CUL9: variants seen among roughly 807,000 people sequenced by gnomAD.
CUL9 encodes cullin-9.
In CUL9, 79 loss-of-function variants were observed where a neutral mutation model predicts 272.6. That is an observed-to-expected ratio of 0.29 (90% CI 0.24 to 0.35). CUL9 has a LOEUF of 0.35. Ranked by LOEUF, CUL9 falls within the 10% of genes least tolerant of loss-of-function variation. The pLI is 1.00. For synonymous variants in CUL9, 1,186 were observed against 1,286.5 expected, an observed-to-expected ratio of 0.92 and a Z score of 1.67; for missense variants, 2,532 against 3,255.6, an observed-to-expected ratio of 0.78 and a Z score of 5.41.
chr6:43,183,095 TA>T (rs1772565818), intron 1 of CUL9, among the ~76,000 whole-genome samples: 1 of 152,224 alleles, frequency 6.6e-6, no homozygotes, highest in South Asian at 2.1e-4. Flanking sequence ...AGAGGTTAAG[TA>T]ACTTGTTCCA....
Position 43,224,417 on chromosome 6 carries a change from A to G in CUL9, c.7526A>G (p.Glu2509Gly), listed in dbSNP as rs775101133. ...GAGACTTTCTTCTTTGGTGATGAGG[A>G]AGAGGATGAAGATGAGGCCTATGAC... ...DQETFFFGDE[E>G]EDEDEAYD is the part of the protein sequence containing the mutation. The change falls in exon 41 of 41, where the codon GAA becomes GGA. Residue 2509 changes from glutamate to glycine, a missense_variant. By Grantham distance (98) the Glu-to-Gly change is moderately conservative. Around this residue, in one of 3 missense-constraint regions of CUL9, gnomAD observed 237 missense variants for 305.9 expected, o/e 0.77. Coordinates refer to ENST00000252050, the MANE Select transcript of CUL9 (RefSeq NM_015089.4). The surrounding 1 kb of genome is among the most constrained non-coding windows in gnomAD (Gnocchi z 4.2). The G allele has an allele frequency of 6.2e-6, 10 of 1,613,848 alleles. No individual in the cohort carries two copies. The highest frequency in any genetic ancestry group is 1.7e-4 in the Middle Eastern group (1 of 5,964).
chr6:43,221,877 G>A lies in CUL9; in HGVS notation c.6846+99G>A. On this transcript the variant is annotated intron_variant, in intron 35 of 40. Transcript: ENST00000252050. This position sits in a 1 kb window ranked among gnomAD's most constrained non-coding sequence, Gnocchi z 4.2. ...CAGACAGGGCTCCTTGTGCAGTGCA[G>A]CATTCTAGCTGTTGGGATAGAGGCT... 2.0e-6 allele frequency: 2 copies of A among 1,014,910 alleles called. No individual in the cohort carries two copies. The highest frequency in any genetic ancestry group is 1.5e-6 in the Non-Finnish European group (1 of 685,522). The allele number at this position is 1,014,910 out of a possible 1,614,324, so 62.9% of individuals were successfully genotyped here. A position where few individuals can be genotyped will look rare whatever the true frequency, so the allele number is the denominator to read the frequency against.
Position 43,203,221 on chromosome 6 carries a change from A to G in CUL9, c.3849+17A>G, listed in dbSNP as rs755041254. ...TGCCAGCAGGTGGTGTTAGGGTGTC[A>G]GCCAGGGCTGAGGAGGAGGAGGTGG... On this transcript the variant is annotated intron_variant, in intron 18 of 40. Transcript: ENST00000252050. This position sits in a 1 kb window ranked among gnomAD's most constrained non-coding sequence, Gnocchi z 5.0. The G allele has an allele frequency of 5.6e-6, 9 of 1,613,934 alleles. No homozygotes were observed. In the African/African-American group the frequency reaches 1.1e-4, roughly 19 times the overall value.
Position 43,221,433 on chromosome 6 carries a change from C to T in CUL9, c.6752+112C>T. 1 of 1,289,718 alleles carries T rather than the reference C, an allele frequency of 7.8e-7. No individual in the cohort carries two copies. Among genetic ancestry groups the T allele is most frequent in the South Asian group, 1.4e-5 (1 of 69,474 alleles). 79.9% of individuals were successfully genotyped at this position (1,289,718 alleles called of 1,614,324 possible). ...AGCTCAGCAAAAGAGGGTGGTTCCT[C>T]AGCCGCCCCTCACGTGGCAGCCTCC... On this transcript the variant is annotated intron_variant, in intron 34 of 40. Coordinates refer to ENST00000252050, the MANE Select transcript of CUL9 (RefSeq NM_015089.4). This position sits in a 1 kb window ranked among gnomAD's most constrained non-coding sequence, Gnocchi z 4.2.
chr6:43,194,438 C>T (rs1344263736), intron 9 of CUL9, among the ~76,000 whole-genome samples: 2 of 151,858 alleles, frequency 1.3e-5, no homozygotes, highest in Non-Finnish European at 2.9e-5. Flanking sequence ...CCCGCCTCAG[C>T]CTCCCGAGTA....
At position 43,204,445 on chromosome 6, in the gene CUL9, A is replaced by G; in HGVS notation, c.4245A>G (p.Ala1415=). The change falls in exon 21 of 41, where the codon GCA becomes GCG. Residue 1415 remains alanine, a synonymous_variant. Transcript: ENST00000252050. Reference sequence around the variant, plus strand: ...CCTCTCGGAACCCCTTGAGTCGAGCAGCGTCCTTTGCTTCTCGAGTTCGTC... The same window carrying G: ...CCTCTCGGAACCCCTTGAGTCGAGCGGCGTCCTTTGCTTCTCGAGTTCGTC... ...RETSRNPLSR[A]ASFASRVRRL... is the part of the protein sequence containing the mutation. 6.2e-7 allele frequency: 1 copy of G among 1,614,140 alleles called. No homozygotes were observed. The highest frequency in any genetic ancestry group is 8.5e-7 in the Non-Finnish European group (1 of 1,180,014).
rs775645986 is a variant in CUL9 at position 43,198,755 on chromosome 6, C to A, written c.2950C>A (p.Leu984Ile). 5.2e-5 allele frequency: 84 copies of A among 1,613,988 alleles called. 2 individuals carry two copies. The South Asian group carries it at 8.7e-4, about 17-fold the overall frequency. Residue 984 changes from leucine to isoleucine, a missense_variant, in exon 12 of 41, where the codon CTC (leucine) becomes ATC (isoleucine). Coordinates refer to ENST00000252050, the MANE Select transcript of CUL9 (RefSeq NM_015089.4). ...EGSPGGAVRPLLKRLQQETQP... is the reference protein window; with the variant it reads ...EGSPGGAVRPILKRLQQETQP... ...CAGCCCCGGAGGTGCCGTGAGGCCC[C>A]TCCTCAAGCGCCTCCAGCAGGAGAC...
At chr6:43,188,156 C>T (rs745976436) in intron 7 of CUL9, 38 bp downstream of exon 7, 5 of 1,608,820 alleles carry the variant, frequency 3.1e-6, no homozygotes, top group Non-Finnish European at 3.4e-6. Context: ...TGGAACAAGT[C>T]CTGGGTAGTC....
At chr6:43,183,017 A>T (rs975257590) in intron 1 of CUL9, among the ~76,000 whole-genome samples, 1 of 152,216 alleles carries the variant, frequency 6.6e-6, no homozygotes, top group Non-Finnish European at 1.5e-5. Context: ...CTTTACATAC[A>T]TGATCCTACT....
At chr6:43,219,951 C>T (rs1029511280) in intron 31 of CUL9, among the ~76,000 whole-genome samples, 3 of 151,926 alleles carry the variant, frequency 2.0e-5, no homozygotes, top group Non-Finnish European at 4.4e-5. Flanking sequence ...GTTTGGGGGA[C>T]GCAATGGGCA....
At position 43,206,135 on chromosome 6, in the gene CUL9, A is replaced by C; in HGVS notation, c.4922A>C (p.Glu1641Ala). 2 of 1,614,168 alleles carry C rather than the reference A, an allele frequency of 1.2e-6. No homozygotes were observed. The highest frequency in any genetic ancestry group is 1.1e-5 in the South Asian group (1 of 91,088). Residue 1641 changes from glutamate (E) to alanine (A), a missense_variant, in exon 25 of 41, where the codon GAG becomes GCG. Transcript: ENST00000252050. This position sits in a 1 kb window ranked among gnomAD's most constrained non-coding sequence, Gnocchi z 4.8. The stretch of plus-strand genomic sequence containing the variant: ...ATGCTGCAGAGCCTGAGCACCTCTG[A>C]GGAGCTGCAGCGCCAGTTCCACCTC... ...QLMLQSLSTS[E>A]ELQRQFHLFQ...
chr6:43,206,600 A>AC lies in CUL9; in HGVS notation c.5212+90_5212+91insC. On this transcript the variant is annotated intron_variant, in intron 26 of 40. Coordinates refer to ENST00000252050, the MANE Select transcript of CUL9 (RefSeq NM_015089.4). The surrounding 1 kb of genome is among the most constrained non-coding windows in gnomAD (Gnocchi z 4.8). ...GAGAGGACCTTTGGACAGGATATAGATGTGAAGAAAAATATCAGCTCCTAG... is the reference window on the plus strand; with the variant it reads ...GAGAGGACCTTTGGACAGGATATAGACTGTGAAGAAAAATATCAGCTCCTAG... The AC allele has an allele frequency of 2.5e-6, 3 of 1,206,924 alleles. No homozygotes were observed. Among genetic ancestry groups the AC allele is most frequent in the East Asian group, 2.4e-5 (1 of 42,454 alleles). 74.8% of individuals were successfully genotyped at this position (1,206,924 alleles called of 1,614,324 possible). A position where few individuals can be genotyped will look rare whatever the true frequency, so the allele number is the denominator to read the frequency against.
chr6:43,211,716 A>G (rs1387631698), intron 26 of CUL9, among the ~76,000 whole-genome samples: 4 of 152,150 alleles, frequency 2.6e-5, no homozygotes, highest in Admixed American at 6.5e-5. Flanking sequence ...AAACTCCAAC[A>G]TATATCAGCT....
At chr6:43,198,889 C>T (rs377556133) in intron 12 of CUL9, 34 bp downstream of exon 12, 32 of 1,595,684 alleles carry the variant, frequency 2.0e-5, no homozygotes, top group Admixed American at 1.7e-4. Context: ...TGCATTGGGA[C>T]GAGGGAAACT....
chr6:43,196,760 T>G lies in CUL9; in HGVS notation c.2701T>G (p.Ser901Ala). 6.2e-7 allele frequency: 1 copy of G among 1,614,166 alleles called. No homozygotes were observed. The highest frequency in any genetic ancestry group is 8.5e-7 in the Non-Finnish European group (1 of 1,180,026). ...GCTGAGAGACACGTTGTTTAGGCAC[T>G]CAGGGATAGCACCAAGAACAGAACC... ...QELRDTLFRH[S>A]GIAPRTEPMP... The change falls in exon 11 of 41, where the codon TCA becomes GCA. Residue 901 changes from serine (S) to alanine (A), a missense_variant. Physicochemically the swap from Ser to Ala is moderately conservative, Grantham distance 99. This residue lies in a region of CUL9 where 2,218 missense variants were observed against 2,788.6 expected (regional missense o/e 0.80). Coordinates refer to ENST00000252050, the MANE Select transcript of CUL9 (RefSeq NM_015089.4).
Position 43,223,458 on chromosome 6 carries a change from C to T in CUL9, c.7284+61C>T, listed in dbSNP as rs1432861436. 46 of 1,521,034 alleles carry T rather than the reference C, an allele frequency of 3.0e-5. No individual in the cohort carries two copies. Among genetic ancestry groups the T allele is most frequent in the Admixed American group, 8.0e-5 (4 of 49,730 alleles). The allele number at this position is 1,521,034 out of a possible 1,614,324, so 94.2% of individuals were successfully genotyped here. A position where few individuals can be genotyped will look rare whatever the true frequency, so the allele number is the denominator to read the frequency against. ...TCTGCGGGAGTTGAGGTCCTCCTGT[C>T]CCAGCACAGCCCCTGCCCTGGGGCG... is the stretch of plus-strand genomic sequence containing the variant. On this transcript the variant is annotated intron_variant, in intron 39 of 40. Transcript: ENST00000252050. This position sits in a 1 kb window ranked among gnomAD's most constrained non-coding sequence, Gnocchi z 4.1.
intron 8 of CUL9, chr6:43,188,942 A>G (rs1773167594): frequency 4.6e-6 from 2 of 434,656 alleles, no homozygotes; most frequent in Non-Finnish European, 8.2e-6. Context: ...TCTCTCATTA[A>G]ATCCACCTAA....
intron 16 of CUL9, among the ~76,000 whole-genome samples, chr6:43,201,418 T>C (rs967568654): frequency 6.6e-6 from 1 of 152,180 alleles, no homozygotes; most frequent in African/African-American, 2.4e-5. Flanking sequence ...AGAAAGTATA[T>C]TTGGAGGGAC....
At position 43,220,751 on chromosome 6, in the gene CUL9, A is replaced by G; in HGVS notation, c.6428A>G (p.Glu2143Gly). 2 of 1,612,504 alleles carry G rather than the reference A, an allele frequency of 1.2e-6. No homozygotes were observed. Among genetic ancestry groups the G allele is most frequent in the Non-Finnish European group, 1.7e-6 (2 of 1,179,858 alleles). The change falls in exon 33 of 41, where the codon GAG (glutamate) becomes GGG (glycine). Residue 2143 changes from glutamate (E) to glycine (G), a missense_variant. Around this residue, in one of 3 missense-constraint regions of CUL9, gnomAD observed 2,218 missense variants for 2,788.6 expected, o/e 0.80. Coordinates refer to ENST00000252050, the MANE Select transcript of CUL9 (RefSeq NM_015089.4). The surrounding 1 kb of genome is among the most constrained non-coding windows in gnomAD (Gnocchi z 4.9). ...VSSPEVISKY[E>G]KALLRGYVES... The stretch of plus-strand genomic sequence containing the variant: ...GTGGCACCTGCGTCTCCACAGTATG[A>G]GAAGGCGCTCCTGCGTGGCTATGTG...
Sources: gnomAD v4.1 joint callset for allele counts (sites outside exome capture counted in the v4.1 genomes callset) on GRCh38, gnomAD v4.1.1 for gene constraint, gnomAD v4.1.1 regional missense constraint, Gnocchi (gnomAD v3.1) non-coding constraint, MANE v1.5 for transcripts, NCBI Gene and HGNC (gene_info 2026-07-23, HGNC 2026-07-21) for gene names.